The following ZNF827 variants were observed in gnomAD, a reference collection of about 807,000 sequenced individuals.
ZNF827 encodes zinc finger protein 827.
A neutral mutation model predicts 102.4 loss-of-function variants in ZNF827; 13 were observed. The observed-to-expected ratio is 0.13, with a 90% CI of 0.08 to 0.20. The LOEUF is 0.20. Among genes scored for constraint, ZNF827 ranks in the 10% least tolerant of loss-of-function variants. ZNF827 has a pLI of 1.00. For synonymous variants in ZNF827, 523 were observed against 536.2 expected (o/e 0.98, Z 0.34); for missense variants, 1,103 against 1,344.4 (o/e 0.82, Z 2.81).
chr4:145,788,395 A>G (rs1202861756), intron 8 of ZNF827, among the ~76,000 whole-genome samples: 1 of 152,212 alleles, frequency 6.6e-6, no homozygotes, highest in Non-Finnish European at 1.5e-5. Flanking sequence ...CTAAGCCTCC[A>G]AATGTAGATA....
intron 5 of ZNF827, among the ~76,000 whole-genome samples, chr4:145,856,436 C>T (rs1351634427): frequency 6.6e-6 from 1 of 152,148 alleles, no homozygotes. Context: ...GAGGAGTGAA[C>T]TCCAATACTG....
intron 11 of ZNF827, among the ~76,000 whole-genome samples, chr4:145,768,916 T>TATATATATATATATATATATAAAA (rs34051922): frequency 0.021 from 727 of 34,198 alleles, 93 homozygotes; most frequent in Non-Finnish European, 0.024. Context: ...TATATATATA[T>TATATATATATATATATATATAAAA]TAGGTATACA....
chr4:145,869,556 A>G (rs544760576), intron 5 of ZNF827, among the ~76,000 whole-genome samples: 9 of 152,238 alleles, frequency 5.9e-5, no homozygotes, highest in African/African-American at 2.2e-4. Flanking sequence ...TGAATTGAAA[A>G]GACATTATGT....
chr4:145,778,754 G>A (rs1737507944), intron 9 of ZNF827, among the ~76,000 whole-genome samples: 1 of 151,830 alleles, frequency 6.6e-6, no homozygotes, highest in East Asian at 1.9e-4. Flanking sequence ...AGATATATCT[G>A]GATTATTTAA....
At chr4:145,876,264 G>T (rs1280990287) in intron 4 of ZNF827, among the ~76,000 whole-genome samples, 1 of 152,190 alleles carries the variant, frequency 6.6e-6, no homozygotes, top group African/African-American at 2.4e-5. Context: ...GGAGCAGTTG[G>T]GGGTGGGGGA....
At chr4:145,867,195 G>T (rs1748289494) in intron 5 of ZNF827, among the ~76,000 whole-genome samples, 1 of 152,132 alleles carries the variant, frequency 6.6e-6, no homozygotes, top group Admixed American at 6.5e-5. Context: ...CAATTTACTT[G>T]GCCCAGCTGT....
At position 145,895,741 on chromosome 4, in the gene ZNF827, T is replaced by G. The variant is rs74876754; in HGVS notation, c.1094-3326A>C. On this transcript the variant is annotated intron_variant, in intron 2 of 14. Transcript: ENST00000508784. ...TGTGTTTATGATGTTGTTAACTACT[T>G]TAAAGAAGGGAGGAAGTAAGGTTGT... Among the ~76,000 whole-genome samples the G allele has an allele frequency of 1.8e-3, 277 of 152,270 alleles. 9 individuals carry two copies. In the East Asian group the frequency reaches 0.038, roughly 21 times the overall value.
chr4:145,866,033 T>C (rs1193091849), intron 5 of ZNF827, among the ~76,000 whole-genome samples: 1 of 152,154 alleles, frequency 6.6e-6, no homozygotes, highest in Non-Finnish European at 1.5e-5. Flanking sequence ...AGTCCATCTG[T>C]CGGTCCAGAG....
intron 1 of ZNF827, among the ~76,000 whole-genome samples, chr4:145,933,411 TAA>T (rs1047847440): frequency 1.1e-4 from 16 of 152,198 alleles, no homozygotes; most frequent in African/African-American, 3.9e-4. Flanking sequence ...CAAAAATTAA[TAA>T]AAGTAAATAA....
At chr4:145,893,589 A>G (rs1750768037) in intron 2 of ZNF827, among the ~76,000 whole-genome samples, 1 of 152,222 alleles carries the variant, frequency 6.6e-6, no homozygotes, top group South Asian at 2.1e-4. Flanking sequence ...AGTCACAGCT[A>G]AAACCATTAG....
At chr4:145,914,099 T>C (rs766149186) in intron 1 of ZNF827, among the ~76,000 whole-genome samples, 6 of 145,672 alleles carry the variant, frequency 4.1e-5, no homozygotes, top group Admixed American at 6.8e-5. Flanking sequence ...ACCAAGAGCA[T>C]TGGCATGATG....
chr4:145,864,262 AC>A (rs1420289578), intron 5 of ZNF827, among the ~76,000 whole-genome samples: 1 of 151,710 alleles, frequency 6.6e-6, no homozygotes, highest in Non-Finnish European at 1.5e-5. Flanking sequence ...GCCCTCTAAA[AC>A]ATAAAATATA....
intron 7 of ZNF827, among the ~76,000 whole-genome samples, chr4:145,837,194 GCT>G (rs1318832780): frequency 1.3e-5 from 2 of 152,126 alleles, no homozygotes; most frequent in African/African-American, 4.8e-5. Context: ...AGTTTTTCAG[GCT>G]CTTAGTATTC....
intron 1 of ZNF827, among the ~76,000 whole-genome samples, chr4:145,935,072 T>C (rs568470997): frequency 1.3e-5 from 2 of 152,150 alleles, no homozygotes; most frequent in South Asian, 4.1e-4. Context: ...TCCTCCTCCG[T>C]TACACACTCC....
intron 9 of ZNF827, among the ~76,000 whole-genome samples, chr4:145,776,605 T>C (rs1442821727): frequency 6.6e-6 from 1 of 150,942 alleles, no homozygotes; most frequent in African/African-American, 2.4e-5. Flanking sequence ...CAAGTGTGCA[T>C]GTCTGTTTGT....
At chr4:145,907,326 C>G (rs1222902274) in intron 1 of ZNF827, 1 of 403,700 alleles carries the variant, frequency 2.5e-6, no homozygotes, top group East Asian at 7.2e-5. Flanking sequence ...TGTACGACAA[C>G]CTGCACCTTT....
At chr4:145,820,097 C>CT (rs1743001274) in intron 8 of ZNF827, 1 of 152,856 alleles carries the variant, frequency 6.5e-6, no homozygotes, top group African/African-American at 2.4e-5. Context: ...TCCAACAGGC[C>CT]TGAAACACAA....
At chr4:145,861,544 A>G (rs902425620) in intron 5 of ZNF827, among the ~76,000 whole-genome samples, 3 of 152,194 alleles carry the variant, frequency 2.0e-5, no homozygotes, top group African/African-American at 4.8e-5. Context: ...TGCCCCAAGT[A>G]TGTGTTACCG....
Position 145,849,536 on chromosome 4 carries a change from C to T in ZNF827, c.2007G>A (p.Met669Ile), listed in dbSNP as rs1175825538. ...LSAESYKETQ[M>I]VKIKEEPMEV... ...CCATGGGTTCCTCTTTAATCTTCAC[C>T]ATCTGTGTTTCCTTGTAGCTTTCCG... The change falls in exon 6 of 15, where the codon ATG becomes ATA. Residue 669 changes from methionine (M) to isoleucine (I), a missense_variant. Coordinates refer to ENST00000508784, the MANE Select transcript of ZNF827 (RefSeq NM_001306215.2). The T allele has an allele frequency of 1.9e-6, 3 of 1,614,052 alleles. No individual in the cohort carries two copies. Among genetic ancestry groups the T allele is most frequent in the Non-Finnish European group, 2.5e-6 (3 of 1,180,030 alleles).
Sources: gnomAD v4.1 joint callset for allele counts (sites outside exome capture counted in the v4.1 genomes callset) on GRCh38, gnomAD v4.1.1 for gene constraint, MANE v1.5 for transcripts, NCBI Gene and HGNC (gene_info 2026-07-23, HGNC 2026-07-21) for gene names.